Variants in RYK observed in about 807,000 individuals in gnomAD.
The protein encoded by RYK is inactive tyrosine-protein kinase RYK.
Under a neutral mutation model 70.2 loss-of-function variants are expected in RYK, and 21 were observed. The ratio of observed to expected loss-of-function variants is 0.30; its 90% CI spans 0.21 to 0.43. The LOEUF is 0.43. RYK is among the 20% of genes least tolerant of loss of function. The probability of loss-of-function intolerance (pLI) is 1.00; values close to 1 mark genes in which losing one functional copy is unlikely to be tolerated. For missense variants in RYK, 604 were observed against 753.3 expected (o/e 0.80, Z 2.32); for synonymous variants, 267 against 278.0 (o/e 0.96, Z 0.39).
At chr3:134,179,236 A>G (rs1375099991) in intron 10 of RYK, 4 of 152,262 alleles carry the variant, frequency 2.6e-5, no homozygotes, top group East Asian at 1.9e-4. Flanking sequence ...TTGTAAGACT[A>G]TAGATAATTT....
At chr3:134,211,656 G>C (rs1277971622) in intron 2 of RYK, 49 bp from the exon 3 acceptor site, 1 of 1,251,934 alleles carries the variant, frequency 8.0e-7, no homozygotes, top group Non-Finnish European at 1.2e-6. Context: ...TAACAAGAAG[G>C]ATACTATCAG....
In RYK at chr3:134,188,847, T is replaced by C; in HGVS notation, c.1092A>G (p.Lys364=). ...DPNKEKQAFV[K]TVKDQASEIQ... ...GAAAAAAGATCCTACCTTTAACTGT[T>C]TTGACAAATGCTTGTTTTTCTTTAT... Residue 364 remains lysine, a synonymous_variant, in exon 9 of 15, where the codon AAA becomes AAG. Transcript: ENST00000623711. 1 of 1,564,506 alleles carries C rather than the reference T, an allele frequency of 6.4e-7. No individual in the cohort carries two copies.
At chr3:134,233,632 A>T (rs902663487) in intron 1 of RYK, among the ~76,000 whole-genome samples, 1 of 152,218 alleles carries the variant, frequency 6.6e-6, no homozygotes, top group African/African-American at 2.4e-5. Flanking sequence ...TCAACAGTTT[A>T]TCTTTCTTTG....
intron 10 of RYK, among the ~76,000 whole-genome samples, chr3:134,182,132 G>GT (rs1338659781): frequency 6.6e-6 from 1 of 150,956 alleles, no homozygotes; most frequent in Non-Finnish European, 1.5e-5. Flanking sequence ...TCTAGCCTGG[G>GT]TGACAGAGCG....
intron 13 of RYK, among the ~76,000 whole-genome samples, chr3:134,164,499 A>C (rs934492170): frequency 3.9e-5 from 6 of 152,206 alleles, no homozygotes; most frequent in Admixed American, 3.3e-4. Flanking sequence ...AATTATATAA[A>C]TAGAATTATT....
intron 10 of RYK, chr3:134,178,867 T>C (rs2013200035): frequency 6.6e-6 from 1 of 152,210 alleles, no homozygotes; most frequent in Non-Finnish European, 1.5e-5. Context: ...AATTATATCA[T>C]CTTCCCCACT....
At chr3:134,159,089 G>T in intron 14 of RYK, 148 bp downstream of exon 14, 1 of 833,080 alleles carries the variant, frequency 1.2e-6, no homozygotes, top group Non-Finnish European at 1.9e-6. Flanking sequence ...CTGACTTTGT[G>T]GTTTTTTATA....
At chr3:134,192,791 A>G (rs984890997) in intron 7 of RYK, among the ~76,000 whole-genome samples, 1 of 152,182 alleles carries the variant, frequency 6.6e-6, no homozygotes, top group African/African-American at 2.4e-5. Flanking sequence ...AACCACATGA[A>G]AAGTTTTGGG....
intron 9 of RYK, among the ~76,000 whole-genome samples, chr3:134,187,227 A>C (rs2013493802): frequency 6.6e-6 from 1 of 152,228 alleles, no homozygotes; most frequent in Admixed American, 6.5e-5. Context: ...GCAATTCCAA[A>C]GATTTTTTGT....
In RYK at chr3:134,195,107, C is replaced by T. The variant is rs1411304418; in HGVS notation, c.864G>A (p.Thr288=). The change falls in exon 7 of 15, where the codon ACG becomes ACA. Residue 288 remains threonine (T), a synonymous_variant. Coordinates refer to ENST00000623711, the MANE Select transcript of RYK (RefSeq NM_002958.4). ...TGGTGATAGGAGTTGCATTGTTGGGCGTGTCTGCTCTCAGATACTGAGTCG... is the reference window on the plus strand; with the variant it reads ...TGGTGATAGGAGTTGCATTGTTGGGTGTGTCTGCTCTCAGATACTGAGTCG... ...TQTTQYLRAD[T]PNNATPITSY... 2.2e-5 allele frequency: 36 copies of T among 1,612,974 alleles called. No homozygotes were observed. The East Asian group carries it at 5.8e-4, about 26-fold the overall frequency.
intron 1 of RYK, among the ~76,000 whole-genome samples, chr3:134,233,974 T>C (rs1176255099): frequency 1.3e-5 from 2 of 152,182 alleles, no homozygotes; most frequent in Non-Finnish European, 2.9e-5. Context: ...TATATTCATA[T>C]GCATGTTGTG....
At chr3:134,246,343 C>CACAGAGAG (rs1553713139) in intron 1 of RYK, among the ~76,000 whole-genome samples, 1 of 105,798 alleles carries the variant, frequency 9.5e-6, no homozygotes, top group African/African-American at 3.5e-5. Context: ...CACACACACA[C>CACAGAGAG]AGAGAGAGAG....
At chr3:134,228,472 A>G (rs1281363753) in intron 1 of RYK, among the ~76,000 whole-genome samples, 1 of 152,236 alleles carries the variant, frequency 6.6e-6, no homozygotes, top group Non-Finnish European at 1.5e-5. Context: ...ATGCATAAAG[A>G]AAATATGGTA....
intron 13 of RYK, among the ~76,000 whole-genome samples, chr3:134,169,008 C>G (rs1430055913): frequency 6.6e-6 from 1 of 152,106 alleles, no homozygotes; most frequent in Non-Finnish European, 1.5e-5. Context: ...TAACTCCAGA[C>G]TTCCTTTTAT....
intron 13 of RYK, 147 bp downstream of exon 13, chr3:134,175,462 G>T: frequency 1.2e-6 from 1 of 829,966 alleles, no homozygotes; most frequent in Non-Finnish European, 1.9e-6. Flanking sequence ...TGGTTGACTG[G>T]CAGCTAATTA....
intron 2 of RYK, among the ~76,000 whole-genome samples, chr3:134,221,933 C>T (rs1268337592): frequency 6.6e-6 from 1 of 152,084 alleles, no homozygotes; most frequent in African/African-American, 2.4e-5. Flanking sequence ...TTGGGTTTAG[C>T]CCTTATGGGT....
In RYK at chr3:134,250,572, G is replaced by T. The variant is rs1317042228; in HGVS notation, c.83C>A (p.Pro28Gln). ...ARGLRAPPPP[P>Q]LLLLLALLPL... The stretch of plus-strand genomic sequence containing the variant: ...CAACAGCGCAAGCAGAAGCAGCAGC[G>T]GCGGCGGCGGCGGGGCCCTCAGGCC... Residue 28 changes from proline (P) to glutamine (Q), a missense_variant, in exon 1 of 15, where the codon CCG (proline) becomes CAG (glutamine). Physicochemically the swap from Pro to Gln is moderately conservative, Grantham distance 76. This residue lies in a region of RYK where 466 missense variants were observed against 535.9 expected (regional missense o/e 0.87). Transcript: ENST00000623711. The T allele has an allele frequency of 1.7e-5, 15 of 892,650 alleles. No homozygotes were observed. The African/African-American group carries it at 2.5e-4, about 15-fold the overall frequency. The allele number at this position is 892,650 out of a possible 1,614,324, so 55.3% of individuals were successfully genotyped here. A position where few individuals can be genotyped will look rare whatever the true frequency, so the allele number is the denominator to read the frequency against.
At chr3:134,158,322 T>C in intron 14 of RYK, 58 bp from the exon 15 acceptor site, 1 of 1,126,834 alleles carries the variant, frequency 8.9e-7, no homozygotes, top group Non-Finnish European at 1.2e-6. Flanking sequence ...TCATAACTTT[T>C]GCTCAGTTTG....
chr3:134,221,038 A>G (rs2014717787), intron 2 of RYK, among the ~76,000 whole-genome samples: 1 of 152,138 alleles, frequency 6.6e-6, no homozygotes, highest in Non-Finnish European at 1.5e-5. Context: ...AGATGCCTAG[A>G]TAAGTTATTC....
Sources: allele counts gnomAD v4.1 joint callset (sites outside exome capture counted in the v4.1 genomes callset), GRCh38; gene constraint gnomAD v4.1.1; regional missense constraint gnomAD v4.1.1; transcripts MANE v1.5; gene names NCBI Gene and HGNC (gene_info 2026-07-23, HGNC 2026-07-21).